CRISP1: variants seen among roughly 807,000 people sequenced by gnomAD.
CRISP1 encodes cysteine rich secretory protein 1, also known as cysteine-rich secretory protein 1.
CRISP1 carries 44 observed loss-of-function variants against 33.1 expected under a neutral mutation model. The observed-to-expected ratio is 1.33, with a 90% CI of 1.05 to 1.71. The LOEUF (loss-of-function observed/expected upper bound fraction) is 1.71, where lower values mean the gene tolerates loss of function less well. Among genes scored for constraint, CRISP1 ranks in the 40% most tolerant of loss-of-function variants. The pLI is 0.00. For missense variants in CRISP1, 390 were observed against 301.2 expected (o/e 1.29, Z -2.18); for synonymous variants, 103 against 98.7 (o/e 1.04, Z -0.26).
In CRISP1 at chr6:49,838,409, TAAAC is replaced by T. The variant is rs776331304; in HGVS notation, c.622+24_622+27del. On this transcript the variant is annotated intron_variant, in intron 7 of 7. Transcript: ENST00000335847. ...GGTTCCCAGATCAATGGGTTAACTG[TAAAC>T]AAACAGAATGCAAACAAACTTACTG... The T allele has an allele frequency of 1.9e-5, 29 of 1,556,390 alleles. No homozygotes were observed. The East Asian group carries it at 5.4e-4, about 29-fold the overall frequency.
chr6:49,876,700 A>G (rs1772043022), intron 1 of CRISP1, among the ~76,000 whole-genome samples: 1 of 152,140 alleles, frequency 6.6e-6, no homozygotes, highest in Non-Finnish European at 1.5e-5. Flanking sequence ...AACACTATGT[A>G]GCCATAAAGA....
intron 1 of CRISP1, among the ~76,000 whole-genome samples, chr6:49,865,019 CT>C (rs1771762714): frequency 6.6e-6 from 1 of 152,074 alleles, no homozygotes; most frequent in South Asian, 2.1e-4. Context: ...AAGGCATTTT[CT>C]TCTATAAGAT....
At chr6:49,861,621 C>T (rs560805474) in intron 1 of CRISP1, among the ~76,000 whole-genome samples, 180 of 152,230 alleles carry the variant, frequency 1.2e-3, no homozygotes, top group African/African-American at 3.8e-3. Context: ...CGGTAACTCA[C>T]GCCTGTAGTT....
In CRISP1 at chr6:49,838,336, G is replaced by A. The variant is rs1420579359; in HGVS notation, c.622+101C>T. 6.0e-6 allele frequency: 5 copies of A among 833,976 alleles called. No individual in the cohort carries two copies. The East Asian group carries it at 1.3e-4, about 21-fold the overall frequency. The allele number at this position is 833,976 out of a possible 1,614,324, so 51.7% of individuals were successfully genotyped here. A position where few individuals can be genotyped will look rare whatever the true frequency, so the allele number is the denominator to read the frequency against. ...TAATTTGTACATGAATGAGATGAAA[G>A]TTGTAGAAAAGTGCGATGTTTTTTA... On this transcript the variant is annotated intron_variant, in intron 7 of 7. Transcript: ENST00000335847.
intron 5 of CRISP1, among the ~76,000 whole-genome samples, chr6:49,841,209 G>A (rs1324834279): frequency 6.6e-6 from 1 of 152,162 alleles, no homozygotes; most frequent in African/African-American, 2.4e-5. Flanking sequence ...TGGAAACCAG[G>A]TGGAGAAAAT....
At chr6:49,857,727 T>C (rs549274090) in intron 1 of CRISP1, among the ~76,000 whole-genome samples, 1 of 152,318 alleles carries the variant, frequency 6.6e-6, no homozygotes, top group South Asian at 2.1e-4. Flanking sequence ...GAGATTATCC[T>C]GGAATACCTA....
At chr6:49,857,251 G>T in intron 2 of CRISP1, 84 bp downstream of exon 2, 1 of 1,326,016 alleles carries the variant, frequency 7.5e-7, no homozygotes, top group Non-Finnish European at 1.1e-6. Flanking sequence ...TCACAACAGT[G>T]CCTCTAACAT....
intron 3 of CRISP1, among the ~76,000 whole-genome samples, chr6:49,849,796 T>G (rs79464243): frequency 0.016 from 2,374 of 152,116 alleles, 61 homozygotes; most frequent in African/African-American, 0.054. Context: ...GGTTGATGAA[T>G]TTACTAAACC....
At chr6:49,872,309 C>G (rs1486204345) in intron 1 of CRISP1, among the ~76,000 whole-genome samples, 1 of 151,888 alleles carries the variant, frequency 6.6e-6, no homozygotes, top group Non-Finnish European at 1.5e-5. Flanking sequence ...AGCCCTTTGT[C>G]AGATGAGTAG....
intron 1 of CRISP1, 89 bp from the exon 2 acceptor site, chr6:49,857,491 T>A: frequency 8.0e-7 from 1 of 1,256,740 alleles, no homozygotes; most frequent in Non-Finnish European, 1.1e-6. Context: ...TTACATGTGT[T>A]TGCATTTTTT....
At chr6:49,851,976 G>T (rs1771359099) in intron 3 of CRISP1, 25 bp downstream of exon 3, 1 of 1,597,434 alleles carries the variant, frequency 6.3e-7, no homozygotes, top group South Asian at 1.1e-5. Flanking sequence ...TTGCAATCAT[G>T]GTTGTTGCTA....
intron 6 of CRISP1, 26 bp downstream of exon 6, chr6:49,840,872 A>T: frequency 2.6e-6 from 4 of 1,554,866 alleles, no homozygotes; most frequent in Non-Finnish European, 3.5e-6. Context: ...AGGGGGATAT[A>T]TATTTTAAAA....
chr6:49,840,887 A>G lies in CRISP1; in HGVS notation c.533+11T>C, dbSNP rs769102843. On this transcript the variant is annotated intron_variant, in intron 6 of 7. Coordinates refer to ENST00000335847, the MANE Select transcript of CRISP1 (RefSeq NM_001131.3). Reference sequence around the variant, plus strand: ...AGGGGGATATATATTTTAAAAACTAATAATACATACTCATGACAATAGTGA... The same window carrying G: ...AGGGGGATATATATTTTAAAAACTAGTAATACATACTCATGACAATAGTGA... The G allele has an allele frequency of 2.5e-6, 4 of 1,604,544 alleles. No individual in the cohort carries two copies. The highest frequency in any genetic ancestry group is 2.2e-5 in the East Asian group (1 of 44,736).
chr6:49,860,186 C>A (rs1052240063), intron 1 of CRISP1, among the ~76,000 whole-genome samples: 1 of 152,026 alleles, frequency 6.6e-6, no homozygotes, highest in African/African-American at 2.4e-5. Flanking sequence ...GACTTCAACA[C>A]CCCACTCTCA....
chr6:49,872,134 A>G (rs1771937855), intron 1 of CRISP1, among the ~76,000 whole-genome samples: 1 of 152,040 alleles, frequency 6.6e-6, no homozygotes, highest in South Asian at 2.1e-4. Flanking sequence ...TTTGATTTGG[A>G]TTTCTCTGAT....
intron 1 of CRISP1, among the ~76,000 whole-genome samples, chr6:49,873,804 A>G (rs890607987): frequency 2.2e-4 from 34 of 152,216 alleles, no homozygotes; most frequent in Admixed American, 1.8e-3. Context: ...ACAAAAATAT[A>G]AACTTGACAA....
chr6:49,844,200 C>T (rs766456349), intron 5 of CRISP1, among the ~76,000 whole-genome samples: 7 of 152,016 alleles, frequency 4.6e-5, no homozygotes, highest in Non-Finnish European at 7.4e-5. Flanking sequence ...ATAAAGACAC[C>T]ATGGATATGA....
intron 4 of CRISP1, among the ~76,000 whole-genome samples, chr6:49,846,970 A>G (rs1771195018): frequency 1.3e-5 from 2 of 152,192 alleles, no homozygotes; most frequent in South Asian, 2.1e-4. Flanking sequence ...TCAGAGAAGC[A>G]TAAGAGTGCT....
At chr6:49,867,098 G>A (rs1202081198), upstream of CRISP1, among the ~76,000 whole-genome samples, 2 of 152,132 alleles carry the variant, frequency 1.3e-5, no homozygotes, top group African/African-American at 2.4e-5. Flanking sequence ...CAATGTGGAA[G>A]CAACTAACTA....
Sources: gnomAD v4.1 joint callset for allele counts (sites outside exome capture counted in the v4.1 genomes callset) on GRCh38, gnomAD v4.1.1 for gene constraint, MANE v1.5 for transcripts, NCBI Gene and HGNC (gene_info 2026-07-23, HGNC 2026-07-21) for gene names.